SPOCK3: variants seen among roughly 807,000 people sequenced by gnomAD.
The protein encoded by SPOCK3 is SPARC (osteonectin), cwcv and kazal like domains proteoglycan 3, also known as testican-3.
A neutral mutation model predicts 56.6 loss-of-function variants in SPOCK3; 30 were observed. The ratio of observed to expected loss-of-function variants is 0.53; its 90% CI spans 0.40 to 0.72. SPOCK3 has a LOEUF of 0.72. SPOCK3 is among the 30% of genes least tolerant of loss of function. SPOCK3 has a pLI of 0.00. For missense variants in SPOCK3, 527 were observed against 530.0 expected, an observed-to-expected ratio of 0.99 and a Z score of 0.06; for synonymous variants, 196 against 183.3, an observed-to-expected ratio of 1.07 and a Z score of -0.56.
intron 2 of SPOCK3, among the ~76,000 whole-genome samples, chr4:167,165,058 A>G (rs1765641721): frequency 6.6e-6 from 1 of 152,172 alleles, no homozygotes; most frequent in South Asian, 2.1e-4. Context: ...TCCCACCAAC[A>G]GTGTAAAAGT....
chr4:167,172,595 C>T (rs1730603206), intron 2 of SPOCK3, among the ~76,000 whole-genome samples: 1 of 152,068 alleles, frequency 6.6e-6, no homozygotes, highest in Non-Finnish European at 1.5e-5. Flanking sequence ...ACTAGTTTTC[C>T]TTAATTTGTC....
intron 6 of SPOCK3, among the ~76,000 whole-genome samples, chr4:166,816,390 A>G (rs1378725464): frequency 6.6e-6 from 1 of 152,052 alleles, no homozygotes; most frequent in East Asian, 1.9e-4. Flanking sequence ...TGCATTATTC[A>G]TTCTGCTAAT....
At chr4:167,086,190 T>A in intron 2 of SPOCK3, among the ~76,000 whole-genome samples, 1 of 152,130 alleles carries the variant, frequency 6.6e-6, no homozygotes, top group East Asian at 1.9e-4. Flanking sequence ...TAATGTTTTC[T>A]GAAAATCTGT....
chr4:167,009,215 A>T (rs1749777911), intron 3 of SPOCK3, among the ~76,000 whole-genome samples: 1 of 151,886 alleles, frequency 6.6e-6, no homozygotes, highest in Non-Finnish European at 1.5e-5. Flanking sequence ...ATAGGCTAGG[A>T]TCTGGCAATT....
chr4:167,124,788 C>A (rs1762131906), intron 2 of SPOCK3, among the ~76,000 whole-genome samples: 1 of 152,180 alleles, frequency 6.6e-6, no homozygotes, highest in Non-Finnish European at 1.5e-5. Flanking sequence ...ATAATACTTA[C>A]CATGACTCTA....
intron 5 of SPOCK3, among the ~76,000 whole-genome samples, chr4:166,912,039 T>G (rs907238273): frequency 2.6e-5 from 4 of 152,208 alleles, no homozygotes; most frequent in Non-Finnish European, 5.9e-5. Flanking sequence ...AGGCAAAGTT[T>G]GTAAAAATCC....
chr4:167,154,155 G>T (rs1361390732), intron 2 of SPOCK3, among the ~76,000 whole-genome samples: 1 of 152,016 alleles, frequency 6.6e-6, no homozygotes, highest in Admixed American at 6.6e-5. Context: ...ATTATTCCAA[G>T]AAGGGGTTCA....
intron 4 of SPOCK3, among the ~76,000 whole-genome samples, chr4:166,985,053 A>G (rs910536491): frequency 6.6e-6 from 1 of 152,104 alleles, no homozygotes; most frequent in East Asian, 1.9e-4. Flanking sequence ...AGCTTCCAGA[A>G]GAGAAGCCCA....
chr4:167,158,385 T>C (rs190966727), intron 2 of SPOCK3, among the ~76,000 whole-genome samples: 130 of 152,118 alleles, frequency 8.5e-4, no homozygotes, highest in African/African-American at 3.0e-3. Flanking sequence ...GGCCATCAAA[T>C]GTGAATACAT....
chr4:166,786,947 A>G (rs1016258205), intron 7 of SPOCK3, among the ~76,000 whole-genome samples: 2 of 152,188 alleles, frequency 1.3e-5, no homozygotes, highest in African/African-American at 4.8e-5. Flanking sequence ...AAGAAGACAC[A>G]TGTTAGCATC....
chr4:167,163,044 C>T (rs1355541250), intron 2 of SPOCK3, among the ~76,000 whole-genome samples: 1 of 151,274 alleles, frequency 6.6e-6, no homozygotes, highest in Non-Finnish European at 1.5e-5. Flanking sequence ...ATACTAAAAC[C>T]TGTTTGAATT....
intron 6 of SPOCK3, among the ~76,000 whole-genome samples, chr4:166,868,413 T>C (rs1323379728): frequency 1.3e-5 from 2 of 152,022 alleles, no homozygotes; most frequent in Non-Finnish European, 2.9e-5. Context: ...GAGGTATGGT[T>C]TATGATTGTG....
At chr4:166,797,233 C>CT (rs1028695610) in intron 6 of SPOCK3, among the ~76,000 whole-genome samples, 7,063 of 81,002 alleles carry the variant, frequency 0.087, 366 homozygotes, top group Non-Finnish European at 0.1. Flanking sequence ...TTCCACCTTT[C>CT]TTTTTTTTTT....
intron 3 of SPOCK3, among the ~76,000 whole-genome samples, chr4:167,014,763 ACT>A (rs1750442962): frequency 6.6e-6 from 1 of 151,624 alleles, no homozygotes; most frequent in African/African-American, 2.4e-5. Flanking sequence ...GCATACACAC[ACT>A]CACACACACA....
At chr4:167,049,387 C>T (rs1366601898) in intron 3 of SPOCK3, among the ~76,000 whole-genome samples, 1 of 152,132 alleles carries the variant, frequency 6.6e-6, no homozygotes, top group African/African-American at 2.4e-5. Context: ...AAGTGAAGTA[C>T]AGGTTGATTA....
chr4:167,143,188 A>G (rs562848819), intron 2 of SPOCK3, among the ~76,000 whole-genome samples: 2 of 152,098 alleles, frequency 1.3e-5, no homozygotes, highest in East Asian at 1.9e-4. Flanking sequence ...AAAAGTAAAC[A>G]AATACATCGG....
chr4:166,918,577 T>C (rs1738144704), intron 4 of SPOCK3: 1 of 152,206 alleles, frequency 6.6e-6, no homozygotes, highest in Admixed American at 6.5e-5. Flanking sequence ...CATAGCTTAT[T>C]CTGCAATATG....
chr4:167,139,729 T>G (rs1763382833), intron 2 of SPOCK3, among the ~76,000 whole-genome samples: 2 of 152,058 alleles, frequency 1.3e-5, no homozygotes, highest in Non-Finnish European at 2.9e-5. Flanking sequence ...GAATTTCATT[T>G]TACAAAACCA....
At chr4:166,931,023 C>T (rs1739687044) in intron 4 of SPOCK3, among the ~76,000 whole-genome samples, 1 of 152,038 alleles carries the variant, frequency 6.6e-6, no homozygotes, top group Non-Finnish European at 1.5e-5. Context: ...CACTCTGTCG[C>T]CAAGCTGGAG....
Sources: allele counts gnomAD v4.1 joint callset (sites outside exome capture counted in the v4.1 genomes callset), GRCh38; gene constraint gnomAD v4.1.1; transcripts MANE v1.5; gene names NCBI Gene and HGNC (gene_info 2026-07-23, HGNC 2026-07-21).